Variants in NCOA1 observed in about 807,000 individuals in gnomAD.
NCOA1 encodes nuclear receptor coactivator 1.
Under a neutral mutation model 150.9 loss-of-function variants are expected in NCOA1, and 35 were observed. That is an observed-to-expected ratio of 0.23 (90% confidence interval 0.18 to 0.31). The LOEUF (loss-of-function observed/expected upper bound fraction) is 0.31. Ranked by LOEUF, NCOA1 falls within the 10% of genes least tolerant of loss-of-function variation. The probability of loss-of-function intolerance (pLI) is 1.00; values close to 1 mark genes in which losing one functional copy is unlikely to be tolerated. For synonymous variants in NCOA1, 590 were observed against 630.0 expected (o/e 0.94, Z 0.95); for missense variants, 1,491 against 1,749.3 (o/e 0.85, Z 2.63).
chr2:24,616,959 G>T (rs978128669), intron 3 of NCOA1, among the ~76,000 whole-genome samples: 1 of 152,144 alleles, frequency 6.6e-6, no homozygotes, highest in East Asian at 1.9e-4. Flanking sequence ...TGTGAACATA[G>T]ACATGTTTAC....
At chr2:24,703,177 T>A (rs1377732613) in intron 11 of NCOA1, among the ~76,000 whole-genome samples, 6 of 152,210 alleles carry the variant, frequency 3.9e-5, no homozygotes, top group African/African-American at 1.4e-4. Flanking sequence ...GGGTGAATGT[T>A]AATTTGCATT....
At chr2:24,629,844 A>ATG (rs1373690230) in intron 3 of NCOA1, among the ~76,000 whole-genome samples, 18 of 136,076 alleles carry the variant, frequency 1.3e-4, no homozygotes, top group African/African-American at 4.6e-4. Context: ...ATATATATAT[A>ATG]TATGTATTTT....
intron 1 of NCOA1, among the ~76,000 whole-genome samples, chr2:24,500,973 A>G (rs538276688): frequency 6.6e-6 from 1 of 152,298 alleles, no homozygotes; most frequent in African/African-American, 2.4e-5. Flanking sequence ...TTTTATATGT[A>G]TACTTGAACT....
intron 1 of NCOA1, among the ~76,000 whole-genome samples, chr2:24,525,992 T>G (rs1664637343): frequency 6.6e-6 from 1 of 152,220 alleles, no homozygotes; most frequent in Non-Finnish European, 1.5e-5. Context: ...GATGACTGCT[T>G]TGATGTCTGT....
intron 3 of NCOA1, among the ~76,000 whole-genome samples, chr2:24,617,548 A>G (rs1369984794): frequency 6.6e-6 from 1 of 152,114 alleles, no homozygotes; most frequent in East Asian, 1.9e-4. Flanking sequence ...AGAATCCTTT[A>G]TATTCCACTT....
At chr2:24,599,357 A>G (rs1403843007) in intron 3 of NCOA1, among the ~76,000 whole-genome samples, 1 of 152,218 alleles carries the variant, frequency 6.6e-6, no homozygotes, top group Non-Finnish European at 1.5e-5. Context: ...CTTTTATTAT[A>G]AACTTCATAG....
chr2:24,493,661 T>C (rs1663075954), intron 1 of NCOA1, among the ~76,000 whole-genome samples: 1 of 152,198 alleles, frequency 6.6e-6, no homozygotes, highest in Non-Finnish European at 1.5e-5. Context: ...ACTAGGATTA[T>C]ATAGACAATG....
chr2:24,634,915 C>T (rs1437409450), intron 3 of NCOA1, among the ~76,000 whole-genome samples: 2 of 152,188 alleles, frequency 1.3e-5, no homozygotes, highest in African/African-American at 4.8e-5. Flanking sequence ...CGGGGCCTCA[C>T]TTTGTTGCCC....
intron 17 of NCOA1, among the ~76,000 whole-genome samples, 178 bp from the exon 18 acceptor site, chr2:24,739,253 TA>T (rs1231131450): frequency 6.6e-6 from 1 of 152,152 alleles, no homozygotes; most frequent in Non-Finnish European, 1.5e-5. Context: ...TTGGAGGCAA[TA>T]AGTGTTTTAT....
rs1377723296 is a variant in NCOA1, at chr2:24,770,343, G to A, written c.*1952G>A. ...TGAAGTTTCCTGACTCAGTGCTTTT[G>A]CATAAGGAACTAGAAAAAAAAAGTA... is the stretch of plus-strand genomic sequence containing the variant. On this transcript the variant is annotated 3_prime_UTR_variant, in exon 23 of 23. Coordinates refer to ENST00000348332, the MANE Select transcript of NCOA1 (RefSeq NM_003743.5). 1 of 229,648 alleles carries A rather than the reference G, an allele frequency of 4.4e-6. No individual in the cohort carries two copies. The highest frequency in any genetic ancestry group is 5.7e-5 in the Admixed American group (1 of 17,668). The allele number at this position is 229,648 out of a possible 1,614,324, so 14.2% of individuals were successfully genotyped here.
rs536793374 is a variant in NCOA1, at chr2:24,573,268, G to A, written c.-260+8838G>A. On this transcript the variant is annotated intron_variant, in intron 2 of 22. Coordinates refer to ENST00000348332, the MANE Select transcript of NCOA1 (RefSeq NM_003743.5). ...ATGATTGCTGCGTATCAAGTGCTGT[G>A]ATAGATACTTTATACATATTTTCAG... 7.2e-4 allele frequency among the ~76,000 whole-genome samples: 109 copies of A among 152,238 alleles called. No individual in the cohort carries two copies. The Middle Eastern group carries it at 0.014, about 19-fold the overall frequency.
chr2:24,597,963 G>A (rs1372576488), intron 3 of NCOA1, among the ~76,000 whole-genome samples: 1 of 151,954 alleles, frequency 6.6e-6, no homozygotes, highest in Non-Finnish European at 1.5e-5. Flanking sequence ...GGTGTGTGAT[G>A]TTCCCCTTCC....
At chr2:24,520,495 A>T (rs1484388303) in intron 1 of NCOA1, among the ~76,000 whole-genome samples, 1 of 152,252 alleles carries the variant, frequency 6.6e-6, no homozygotes, top group African/African-American at 2.4e-5. Context: ...CAACCAAAAA[A>T]GAGTGCATTC....
intron 3 of NCOA1, among the ~76,000 whole-genome samples, chr2:24,596,491 G>A (rs1667891050): frequency 6.6e-6 from 1 of 151,872 alleles, no homozygotes; most frequent in African/African-American, 2.4e-5. Flanking sequence ...TTAAATATAG[G>A]ACCAAAGCCC....
At chr2:24,758,531 A>C (rs1375995408) in intron 21 of NCOA1, among the ~76,000 whole-genome samples, 1 of 151,868 alleles carries the variant, frequency 6.6e-6, no homozygotes, top group African/African-American at 2.4e-5. Context: ...AGGTCTCACT[A>C]TGTTGCCCAG....
At chr2:24,564,505 T>C (rs1048482029) in intron 2 of NCOA1, 75 bp downstream of exon 2, 23 of 152,180 alleles carry the variant, frequency 1.5e-4, no homozygotes, top group Admixed American at 6.5e-5. Flanking sequence ...TAGATATAGG[T>C]TTGGTGAGTT....
In NCOA1 at chr2:24,503,101, T is replaced by G. The variant is rs150290798; in HGVS notation, c.-396+11499T>G. Among the ~76,000 whole-genome samples, 58 of 152,218 alleles carry G rather than the reference T, an allele frequency of 3.8e-4. 1 individual carries two copies. The highest frequency in any genetic ancestry group is 1.1e-3 in the African/African-American group (47 of 41,452). On this transcript the variant is annotated intron_variant, in intron 1 of 22. Transcript: ENST00000348332. ...ATTAAAGCATAATGCTACTTATGAA[T>G]GTACTTAGAGAAATAGACCTTTTGT...
At chr2:24,763,354 A>G (rs1432875597) in intron 22 of NCOA1, among the ~76,000 whole-genome samples, 1 of 151,744 alleles carries the variant, frequency 6.6e-6, no homozygotes, top group Non-Finnish European at 1.5e-5. Context: ...CCTGGCTAAC[A>G]TGGTGAAACC....
At chr2:24,500,386 G>C (rs1356779686) in intron 1 of NCOA1, among the ~76,000 whole-genome samples, 1 of 152,180 alleles carries the variant, frequency 6.6e-6, no homozygotes, top group Non-Finnish European at 1.5e-5. Flanking sequence ...GGGATTACAG[G>C]CGTGAGCCAC....
Sources: gnomAD v4.1 joint callset for allele counts (sites outside exome capture counted in the v4.1 genomes callset) on GRCh38, gnomAD v4.1.1 for gene constraint, MANE v1.5 for transcripts, NCBI Gene and HGNC (gene_info 2026-07-23, HGNC 2026-07-21) for gene names.